Variants in ANO2 observed in about 807,000 individuals in gnomAD.
The protein encoded by ANO2 is anoctamin-2.
ANO2 carries 101 observed loss-of-function variants against 124.2 expected under a neutral mutation model. The ratio of observed to expected loss-of-function variants is 0.81; its 90% CI spans 0.69 to 0.96. The LOEUF is 0.96. Ranked by LOEUF, ANO2 falls within the 40% of genes least tolerant of loss-of-function variation. The pLI is 0.00. For synonymous variants in ANO2, 486 were observed against 482.5 expected, an observed-to-expected ratio of 1.01 and a Z score of -0.09; for missense variants, 1,293 against 1,274.5, an observed-to-expected ratio of 1.01 and a Z score of -0.22.
At chr12:5,836,901 T>A (rs1954339129) in intron 4 of ANO2, 1 of 154,376 alleles carries the variant, frequency 6.5e-6, no homozygotes, top group South Asian at 2.0e-4. Flanking sequence ...CTTATTTGAG[T>A]GATTGATGAA....
At chr12:5,672,652 T>C (rs60697111) in intron 14 of ANO2, among the ~76,000 whole-genome samples, 15,425 of 152,138 alleles carry the variant, frequency 0.1, 1,032 homozygotes, top group African/African-American at 0.18. Flanking sequence ...TATGCACACA[T>C]ATTTTCACAA....
intron 14 of ANO2, among the ~76,000 whole-genome samples, chr12:5,717,873 C>T (rs983108457): frequency 6.6e-6 from 1 of 152,226 alleles, no homozygotes; most frequent in African/African-American, 2.4e-5. Context: ...TGTTGACTTA[C>T]ATCAGCTTTC....
chr12:5,858,742 G>A (rs1381881290), intron 3 of ANO2: 2 of 152,196 alleles, frequency 1.3e-5, no homozygotes, highest in Admixed American at 6.6e-5. Context: ...TTACTATAGC[G>A]ATTAGCTCTA....
intron 10 of ANO2, among the ~76,000 whole-genome samples, chr12:5,773,620 G>T (rs914858047): frequency 6.6e-6 from 1 of 152,186 alleles, no homozygotes; most frequent in African/African-American, 2.4e-5. Flanking sequence ...AAGGGGAAAT[G>T]GATCAAAAAT....
intron 16 of ANO2, among the ~76,000 whole-genome samples, chr12:5,625,199 G>C (rs4600295): frequency 1.0e-3 from 158 of 152,270 alleles, no homozygotes; most frequent in African/African-American, 3.5e-3. Flanking sequence ...GTGTGGGGGG[G>C]AGTGCGGCAC....
At chr12:5,630,993 C>T (rs759767626) in intron 16 of ANO2, among the ~76,000 whole-genome samples, 1 of 152,172 alleles carries the variant, frequency 6.6e-6, no homozygotes, top group South Asian at 2.1e-4. Flanking sequence ...ATGGTGTCCA[C>T]GGCAGCCCCC....
intron 10 of ANO2, among the ~76,000 whole-genome samples, chr12:5,760,644 C>T (rs568752200): frequency 1.3e-5 from 2 of 152,236 alleles, no homozygotes; most frequent in African/African-American, 4.8e-5. Context: ...TCCTCCTTCT[C>T]CACCTACTTC....
At chr12:5,566,897 G>C (rs949178319) in intron 23 of ANO2, among the ~76,000 whole-genome samples, 5 of 152,200 alleles carry the variant, frequency 3.3e-5, no homozygotes, top group Admixed American at 6.5e-5. Flanking sequence ...ACATTCACAA[G>C]TAGGTGCTCT....
At chr12:5,653,516 T>G (rs886858056) in intron 14 of ANO2, among the ~76,000 whole-genome samples, 2 of 152,246 alleles carry the variant, frequency 1.3e-5, no homozygotes, top group African/African-American at 4.8e-5. Context: ...GTAACTTTCC[T>G]TACTGAGCAC....
chr12:5,879,182 C>T (rs963110750), intron 3 of ANO2, among the ~76,000 whole-genome samples: 7 of 152,160 alleles, frequency 4.6e-5, no homozygotes, highest in South Asian at 2.1e-4. Context: ...TAAGGAGCCA[C>T]GTGAAGCTGA....
chr12:5,651,740 T>C (rs1319145856), intron 14 of ANO2, among the ~76,000 whole-genome samples: 1 of 152,212 alleles, frequency 6.6e-6, no homozygotes, highest in Non-Finnish European at 1.5e-5. Context: ...CATGTCCCTT[T>C]GTAGTCTATC....
intron 14 of ANO2, among the ~76,000 whole-genome samples, chr12:5,712,417 A>G (rs1221131271): frequency 6.6e-6 from 1 of 152,210 alleles, no homozygotes. Flanking sequence ...AGAGACAGAT[A>G]CAGGAGAGAG....
intron 14 of ANO2, among the ~76,000 whole-genome samples, chr12:5,684,575 T>C (rs1948629378): frequency 6.6e-6 from 1 of 152,174 alleles, no homozygotes; most frequent in South Asian, 2.1e-4. Context: ...GCAACTCTAC[T>C]TGTCTTTGAG....
chr12:5,644,977 C>T (rs1946557111), intron 15 of ANO2, among the ~76,000 whole-genome samples: 1 of 151,696 alleles, frequency 6.6e-6, no homozygotes, highest in Admixed American at 6.6e-5. Context: ...TTTAAGGCTG[C>T]TTTTGAGACT....
intron 10 of ANO2, among the ~76,000 whole-genome samples, chr12:5,770,989 C>T (rs903967817): frequency 1.3e-5 from 2 of 152,158 alleles, no homozygotes; most frequent in Non-Finnish European, 2.9e-5. Flanking sequence ...CCAAATGGCC[C>T]CAACCTCTCT....
intron 10 of ANO2, among the ~76,000 whole-genome samples, chr12:5,751,647 A>C (rs1039704851): frequency 1.2e-4 from 19 of 152,158 alleles, no homozygotes; most frequent in Admixed American, 8.5e-4. Context: ...CAATCACTCC[A>C]TAAAGTTATC....
chr12:5,724,517 C>A (rs1441627212), intron 14 of ANO2, among the ~76,000 whole-genome samples: 2 of 152,214 alleles, frequency 1.3e-5, no homozygotes, highest in African/African-American at 4.8e-5. Flanking sequence ...AATGTCCCAG[C>A]TTCCTGTTGC....
intron 4 of ANO2, among the ~76,000 whole-genome samples, chr12:5,835,068 A>G: frequency 6.6e-6 from 1 of 152,320 alleles, no homozygotes; most frequent in South Asian, 2.1e-4. Context: ...CATTTTATAT[A>G]TAAGTTTTAT....
intron 14 of ANO2, among the ~76,000 whole-genome samples, chr12:5,698,239 G>A (rs1949268959): frequency 6.6e-6 from 1 of 152,186 alleles, no homozygotes; most frequent in Admixed American, 6.5e-5. Flanking sequence ...GTCCCCCTCT[G>A]AGATGAAGCT....
Sources: gnomAD v4.1 joint callset for allele counts (sites outside exome capture counted in the v4.1 genomes callset) on GRCh38, gnomAD v4.1.1 for gene constraint, MANE v1.5 for transcripts, NCBI Gene and HGNC (gene_info 2026-07-23, HGNC 2026-07-21) for gene names.